DPH6: variants seen among roughly 807,000 people sequenced by gnomAD.
The protein encoded by DPH6 is diphthine--ammonia ligase.
A neutral mutation model predicts 38.2 loss-of-function variants in DPH6; 33 were observed. That is an observed-to-expected ratio of 0.86 (90% CI 0.65 to 1.15). The LOEUF is 1.15. Among genes scored for constraint, DPH6 ranks in the 50% most tolerant of loss-of-function variants. The probability of loss-of-function intolerance (pLI) is 0.00; values close to 1 mark genes in which losing one functional copy is unlikely to be tolerated. For synonymous variants in DPH6, 108 were observed against 103.0 expected, an observed-to-expected ratio of 1.05 and a Z score of -0.30; for missense variants, 325 against 320.0, an observed-to-expected ratio of 1.02 and a Z score of -0.12.
intron 3 of DPH6, among the ~76,000 whole-genome samples, chr15:35,491,914 T>C (rs974718838): frequency 2.0e-5 from 3 of 151,808 alleles, no homozygotes; most frequent in African/African-American, 4.8e-5. Flanking sequence ...TATGTATCTA[T>C]AGAACTATAG....
downstream of DPH6, among the ~76,000 whole-genome samples, chr15:35,215,209 GA>G (rs1457694692): frequency 2.6e-5 from 4 of 152,204 alleles, no homozygotes; most frequent in Non-Finnish European, 4.4e-5. Flanking sequence ...ACTTGGTAGA[GA>G]ATGTCAGAGT....
At chr15:35,440,594 TATCCTTATCCTA>T (rs1939617136) in intron 5 of DPH6, among the ~76,000 whole-genome samples, 1 of 152,172 alleles carries the variant, frequency 6.6e-6, no homozygotes, top group African/African-American at 2.4e-5. Context: ...TCCTTATCCC[TATCCTTATCCTA>T]ATGGCAGTTA....
downstream of DPH6, among the ~76,000 whole-genome samples, chr15:35,212,349 C>T (rs1210106463): frequency 1.3e-5 from 2 of 152,068 alleles, no homozygotes; most frequent in African/African-American, 4.8e-5. Context: ...TAGAGGTCAA[C>T]CTGAGTAGAT....
At chr15:35,497,674 C>G (rs760080983) in intron 3 of DPH6, among the ~76,000 whole-genome samples, 2 of 152,090 alleles carry the variant, frequency 1.3e-5, no homozygotes, top group Non-Finnish European at 2.9e-5. Flanking sequence ...ATAAAAATGT[C>G]AAACAACCCT....
At chr15:35,480,848 A>C (rs2054317722) in intron 3 of DPH6, among the ~76,000 whole-genome samples, 1 of 152,100 alleles carries the variant, frequency 6.6e-6, no homozygotes, top group Admixed American at 6.6e-5. Context: ...TTTTTATGGA[A>C]TATTTCAGCT....
the DPH6 span, among the ~76,000 whole-genome samples, chr15:35,159,443 G>T: frequency 6.6e-6 from 1 of 151,778 alleles, no homozygotes; most frequent in African/African-American, 2.4e-5. Flanking sequence ...AAGTGGCCAA[G>T]AAACATGAAA....
rs367970099 is a variant in DPH6, at chr15:35,357,675, T to C, written n.207+15846A>G. Among the ~76,000 whole-genome samples the C allele has an allele frequency of 7.2e-5, 11 of 152,336 alleles. No individual in the cohort carries two copies. In the East Asian group the frequency reaches 1.5e-3, roughly 21 times the overall value. ...CACTGGATACAAAATTCTTGGCTGA[T>C]AACTGTTTTGTTTGAGGAGACCGAA... On this transcript the variant is annotated intron_variant and non_coding_transcript_variant, in intron 3 of 3. Coordinates refer to the DPH6 transcript ENST00000558973.
intron 3 of DPH6, among the ~76,000 whole-genome samples, chr15:35,323,409 T>TC (rs2052256967): frequency 6.6e-6 from 1 of 152,076 alleles, no homozygotes; most frequent in Non-Finnish European, 1.5e-5. Flanking sequence ...ACATTTTGTT[T>TC]CCTTTTTTTT....
chr15:35,205,230 T>C, the DPH6 span, among the ~76,000 whole-genome samples: 1 of 151,998 alleles, frequency 6.6e-6, no homozygotes, highest in Non-Finnish European at 1.5e-5. Context: ...TGGTTTATTA[T>C]TGGTCCTGAG....
chr15:35,434,916 G>C (rs2053677442), intron 5 of DPH6, among the ~76,000 whole-genome samples: 2 of 151,824 alleles, frequency 1.3e-5, no homozygotes, highest in South Asian at 4.2e-4. Flanking sequence ...TGGGACTACA[G>C]GTATATGCCA....
chr15:35,488,632 G>A (rs577543332), intron 3 of DPH6, among the ~76,000 whole-genome samples: 1 of 152,232 alleles, frequency 6.6e-6, no homozygotes, highest in African/African-American at 2.4e-5. Flanking sequence ...TCTGACACAT[G>A]GGGATTACAA....
At chr15:35,452,064 C>T (rs1043107551) in intron 4 of DPH6, among the ~76,000 whole-genome samples, 7 of 151,988 alleles carry the variant, frequency 4.6e-5, no homozygotes, top group Non-Finnish European at 8.8e-5. Flanking sequence ...GATTCCTCTG[C>T]TCAAAACCCT....
the DPH6 span, among the ~76,000 whole-genome samples, chr15:35,155,707 T>A: frequency 2.5e-4 from 38 of 152,338 alleles, no homozygotes; most frequent in Admixed American, 2.0e-4. Context: ...CTGGGTCACA[T>A]TCATGAAAAA....
At chr15:35,505,296 C>G (rs2054679851) in intron 3 of DPH6, among the ~76,000 whole-genome samples, 1 of 151,854 alleles carries the variant, frequency 6.6e-6, no homozygotes, top group Non-Finnish European at 1.5e-5. Flanking sequence ...TTCTACTATG[C>G]TTTAAATGGT....
rs752813805 is a variant in DPH6 at position 35,454,818 on chromosome 15, T to C, written c.315A>G (p.Glu105=). The stretch of plus-strand genomic sequence containing the variant: ...CTGATATCCCCTCTACTTCTTCTTT[T>C]TCCTGAAAATAAAGAAAAAAACCAT... ...DLYELLKLVK[E]KEEVEGISVG... Residue 105 remains glutamate, a splice_region_variant and synonymous_variant, in exon 4 of 9, where the codon GAA becomes GAG. Coordinates refer to ENST00000256538, the MANE Select transcript of DPH6 (RefSeq NM_080650.4). The C allele has an allele frequency of 1.9e-6, 3 of 1,595,212 alleles. No homozygotes were observed. Among genetic ancestry groups the C allele is most frequent in the East Asian group, 2.3e-5 (1 of 44,294 alleles).
intron 3 of DPH6, among the ~76,000 whole-genome samples, chr15:35,333,489 A>G (rs1447737596): frequency 2.6e-5 from 4 of 152,182 alleles, no homozygotes; most frequent in Non-Finnish European, 4.4e-5. Context: ...ATTAGAAAGT[A>G]ATAGGCTAGC....
chr15:35,493,013 TA>T (rs1162838177), intron 3 of DPH6, among the ~76,000 whole-genome samples: 2 of 152,214 alleles, frequency 1.3e-5, no homozygotes, highest in Non-Finnish European at 2.9e-5. Flanking sequence ...TGCTATCTTT[TA>T]CATTTAAAAA....
chr15:35,264,827 G>T (rs900991205), intron 3 of DPH6, among the ~76,000 whole-genome samples: 4 of 152,212 alleles, frequency 2.6e-5, no homozygotes, highest in African/African-American at 9.6e-5. Context: ...AATATTGTGT[G>T]CAAGATGTTC....
intron 3 of DPH6, among the ~76,000 whole-genome samples, chr15:35,350,354 T>C (rs1212094796): frequency 6.6e-6 from 1 of 151,424 alleles, no homozygotes; most frequent in Non-Finnish European, 1.5e-5. Flanking sequence ...AGCTAAGGGT[T>C]TGTTGCTTTT....
Sources: allele counts gnomAD v4.1 joint callset (sites outside exome capture counted in the v4.1 genomes callset), GRCh38; gene constraint gnomAD v4.1.1; transcripts MANE v1.5; gene names NCBI Gene and HGNC (gene_info 2026-07-23, HGNC 2026-07-21).